FILIP1L: variants seen among roughly 807,000 people sequenced by gnomAD.
FILIP1L encodes filamin A interacting protein 1 like, also known as filamin A-interacting protein 1-like.
Under a neutral mutation model 96.6 loss-of-function variants are expected in FILIP1L, and 55 were observed. The observed-to-expected ratio is 0.57, with a 90% CI of 0.46 to 0.71. The LOEUF (loss-of-function observed/expected upper bound fraction) is 0.71, where lower values mean the gene tolerates loss of function less well. Ranked by LOEUF, FILIP1L falls within the 30% of genes least tolerant of loss-of-function variation. The pLI, the probability that FILIP1L is intolerant of heterozygous loss-of-function variation, is 0.00. For missense variants in FILIP1L, 1,304 were observed against 1,321.2 expected (o/e 0.99, Z 0.20); for synonymous variants, 467 against 473.9 (o/e 0.99, Z 0.19).
chr3:100,011,282 G>A (rs1376698005), intron 1 of FILIP1L, among the ~76,000 whole-genome samples: 1 of 152,120 alleles, frequency 6.6e-6, no homozygotes. Context: ...TCTTTCTGTA[G>A]AACTCGACAC....
intron 1 of FILIP1L, among the ~76,000 whole-genome samples, chr3:99,989,937 G>A (rs1271149674): frequency 6.6e-6 from 1 of 152,050 alleles, no homozygotes. Context: ...CACCTGGTAC[G>A]TGCTTAAGAG....
chr3:99,900,495 C>G (rs1315839349), intron 4 of FILIP1L, among the ~76,000 whole-genome samples: 3 of 152,150 alleles, frequency 2.0e-5, no homozygotes, highest in Non-Finnish European at 4.4e-5. Flanking sequence ...AGAGTGCGTT[C>G]AGGGTGGTAT....
At chr3:100,016,596 G>A (rs1383266612) in intron 1 of FILIP1L, among the ~76,000 whole-genome samples, 3 of 152,124 alleles carry the variant, frequency 2.0e-5, no homozygotes, top group Non-Finnish European at 4.4e-5. Context: ...AATCTTCTGT[G>A]ACCTTGAAAC....
intron 1 of FILIP1L, among the ~76,000 whole-genome samples, chr3:100,074,971 G>C (rs1188921479): frequency 6.6e-6 from 1 of 151,994 alleles, no homozygotes; most frequent in Non-Finnish European, 1.5e-5. Flanking sequence ...TGGGATTACA[G>C]GCATGAGCCA....
At position 99,829,235 on chromosome 3, in the gene FILIP1L, TCC is replaced by T. The variant is rs1032663361; in HGVS notation, c.*1177_*1178del. Among the ~76,000 whole-genome samples, 1 of 140,126 alleles carries T rather than the reference TCC, an allele frequency of 7.1e-6. No individual in the cohort carries two copies. The highest frequency in any genetic ancestry group is 1.6e-5 in the Non-Finnish European group (1 of 63,044). 91.9% of individuals were successfully genotyped at this position (140,126 alleles called of 152,430 possible). On this transcript the variant is annotated 3_prime_UTR_variant, in exon 6 of 6. Coordinates refer to ENST00000477258, the MANE Select transcript of FILIP1L (RefSeq NM_001387850.1). ...TTTAGTGTCGTTCCATTGATTTTTT[TCC>T]CCCCTCGATTGAAGCTTTTTGAAAT...
intron 4 of FILIP1L, among the ~76,000 whole-genome samples, chr3:99,892,187 T>G (rs1706104107): frequency 6.6e-6 from 1 of 152,228 alleles, no homozygotes; most frequent in African/African-American, 2.4e-5. Flanking sequence ...CTTTGAGAAC[T>G]GCATCTTGAA....
intron 1 of FILIP1L, among the ~76,000 whole-genome samples, chr3:99,986,496 AAGAAAT>A (rs1202022365): frequency 3.3e-5 from 5 of 152,334 alleles, no homozygotes; most frequent in African/African-American, 1.2e-4. Context: ...TTGATAGTGA[AAGAAAT>A]AGACGAGAAC....
chr3:100,079,165 A>G (rs2065895722), intron 1 of FILIP1L, among the ~76,000 whole-genome samples: 1 of 152,208 alleles, frequency 6.6e-6, no homozygotes, highest in Non-Finnish European at 1.5e-5. Context: ...TACAGTCTTT[A>G]CAGCATGGTG....
intron 1 of FILIP1L, among the ~76,000 whole-genome samples, chr3:100,111,221 G>C (rs1576076008): frequency 6.6e-6 from 1 of 152,076 alleles, no homozygotes; most frequent in African/African-American, 2.4e-5. Context: ...AGGATGGTAG[G>C]GGGAGGAGTG....
intron 1 of FILIP1L, among the ~76,000 whole-genome samples, chr3:99,966,544 A>G (rs776799487): frequency 2.0e-5 from 3 of 152,326 alleles, no homozygotes; most frequent in Non-Finnish European, 4.4e-5. Context: ...ACTCATCACT[A>G]ACAATTAACT....
At chr3:99,992,958 A>G (rs1269619084) in intron 1 of FILIP1L, among the ~76,000 whole-genome samples, 1 of 152,098 alleles carries the variant, frequency 6.6e-6, no homozygotes, top group Non-Finnish European at 1.5e-5. Context: ...GACCTTGTCA[A>G]AGATCACTTG....
chr3:99,930,361 C>A (rs1269882178), intron 2 of FILIP1L, among the ~76,000 whole-genome samples: 1 of 152,068 alleles, frequency 6.6e-6, no homozygotes, highest in Non-Finnish European at 1.5e-5. Context: ...TATATGTGTA[C>A]CAGCTGTTTT....
chr3:99,997,240 G>A (rs1432314073), intron 1 of FILIP1L, among the ~76,000 whole-genome samples: 8 of 152,070 alleles, frequency 5.3e-5, no homozygotes, highest in African/African-American at 1.9e-4. Context: ...CAAGAAGAAG[G>A]TCCAAATAAA....
chr3:100,113,677 A>G (rs924741161), intron 1 of FILIP1L, among the ~76,000 whole-genome samples: 6 of 152,214 alleles, frequency 3.9e-5, no homozygotes, highest in African/African-American at 1.4e-4. Flanking sequence ...TATATTGATC[A>G]TTCACATCAG....
At chr3:100,066,205 A>G (rs529921110) in intron 1 of FILIP1L, among the ~76,000 whole-genome samples, 1 of 152,282 alleles carries the variant, frequency 6.6e-6, no homozygotes, top group East Asian at 1.9e-4. Context: ...TTGTTTTACC[A>G]TGTCTGCTAG....
chr3:99,966,036 C>G (rs1472973356), intron 1 of FILIP1L, among the ~76,000 whole-genome samples: 1 of 152,168 alleles, frequency 6.6e-6, no homozygotes, highest in East Asian at 1.9e-4. Context: ...GAACCTAGTG[C>G]CTTCCCTGCT....
At chr3:100,091,216 C>T (rs1237701944) in intron 1 of FILIP1L, among the ~76,000 whole-genome samples, 7 of 148,120 alleles carry the variant, frequency 4.7e-5, no homozygotes, top group Non-Finnish European at 1.0e-4. Flanking sequence ...ACCTGGAAGG[C>T]GGAACTTGCA....
At chr3:99,902,384 C>T (rs903734143) in intron 4 of FILIP1L, among the ~76,000 whole-genome samples, 3 of 152,210 alleles carry the variant, frequency 2.0e-5, no homozygotes, top group Middle Eastern at 3.4e-3. Context: ...CTCATTTGCT[C>T]ATGTTTTACA....
At chr3:99,934,804 T>TA (rs1006142455) in intron 1 of FILIP1L, among the ~76,000 whole-genome samples, 9 of 152,128 alleles carry the variant, frequency 5.9e-5, no homozygotes, top group Admixed American at 1.3e-4. Context: ...TCATAAGTGG[T>TA]AAAAAAAGGA....
Sources: gnomAD v4.1 joint callset for allele counts (sites outside exome capture counted in the v4.1 genomes callset) on GRCh38, gnomAD v4.1.1 for gene constraint, MANE v1.5 for transcripts, NCBI Gene and HGNC (gene_info 2026-07-23, HGNC 2026-07-21) for gene names.